Variants in PRSS23 observed in about 807,000 individuals in gnomAD.
PRSS23 encodes serine protease 23.
PRSS23 carries 25 observed loss-of-function variants against 34.7 expected under a neutral mutation model. The ratio of observed to expected loss-of-function variants is 0.72; its 90% CI spans 0.53 to 1.01. The LOEUF is 1.01. Ranked by LOEUF, PRSS23 falls within the 50% of genes least tolerant of loss-of-function variation. PRSS23 has a pLI of 0.00. For synonymous variants in PRSS23, 176 were observed against 186.6 expected, an observed-to-expected ratio of 0.94 and a Z score of 0.46; for missense variants, 445 against 475.6, an observed-to-expected ratio of 0.94 and a Z score of 0.60.
At chr11:86,795,628 G>A (rs1947975958), upstream of PRSS23, among the ~76,000 whole-genome samples, 1 of 152,204 alleles carries the variant, frequency 6.6e-6, no homozygotes, top group African/African-American at 2.4e-5. Context: ...CAAGGCCAAT[G>A]AGTGTGGTGA....
chr11:86,877,916 T>C (rs772316631), intron 2 of PRSS23, among the ~76,000 whole-genome samples: 3 of 151,726 alleles, frequency 2.0e-5, no homozygotes, highest in African/African-American at 7.3e-5. Flanking sequence ...AATTATTGCA[T>C]TGACTCTGTG....
intron 2 of PRSS23, among the ~76,000 whole-genome samples, chr11:86,915,025 C>T (rs1354557454): frequency 6.6e-6 from 1 of 152,160 alleles, no homozygotes; most frequent in African/African-American, 2.4e-5. Flanking sequence ...TTTCTGGGAA[C>T]AGCTGAGAAG....
chr11:86,891,866 C>G (rs1310288455), intron 2 of PRSS23, among the ~76,000 whole-genome samples: 1 of 152,158 alleles, frequency 6.6e-6, no homozygotes, highest in Non-Finnish European at 1.5e-5. Flanking sequence ...TTCCTGCTGC[C>G]TTGTGAATAA....
intron 1 of PRSS23, among the ~76,000 whole-genome samples, chr11:86,822,128 G>A (rs373790925): frequency 6.6e-6 from 1 of 152,004 alleles, no homozygotes; most frequent in Non-Finnish European, 1.5e-5. Flanking sequence ...TTATTTATTC[G>A]TTCATTTGGC....
chr11:86,907,881 A>AT (rs34367118), intron 2 of PRSS23, among the ~76,000 whole-genome samples: 58,107 of 151,810 alleles, frequency 0.38, 11,319 homozygotes, highest in East Asian at 0.47. Context: ...TAGCAGCTCT[A>AT]TTTTTCCCTA....
At chr11:86,859,870 T>C (rs1948600725) in intron 2 of PRSS23, among the ~76,000 whole-genome samples, 1 of 151,772 alleles carries the variant, frequency 6.6e-6, no homozygotes, top group Non-Finnish European at 1.5e-5. Flanking sequence ...GTTTCTAATA[T>C]CCATGGGGGA....
At chr11:86,855,991 A>C (rs2134925593) in intron 2 of PRSS23, among the ~76,000 whole-genome samples, 1 of 152,320 alleles carries the variant, frequency 6.6e-6, no homozygotes, top group Admixed American at 6.5e-5. Context: ...AATTGAAACA[A>C]ATTTTTTAAA....
intron 2 of PRSS23, among the ~76,000 whole-genome samples, chr11:86,866,869 C>A (rs1033826394): frequency 1.3e-5 from 2 of 152,222 alleles, no homozygotes; most frequent in African/African-American, 4.8e-5. Context: ...CACCAGCTCC[C>A]TTTCACCTTC....
intron 2 of PRSS23, among the ~76,000 whole-genome samples, chr11:86,862,255 T>C (rs527253905): frequency 6.6e-6 from 1 of 152,108 alleles, no homozygotes; most frequent in South Asian, 2.1e-4. Flanking sequence ...TGTGATATTA[T>C]TTGTAATATC....
At position 86,951,427 on chromosome 11, in the gene PRSS23, C is replaced by G. The variant is rs777994800; in HGVS notation, c.*142C>G. ...TCACACACGTTGCAGGAACTGTGTA[C>G]AGTACTGAGAACACCCCAATCTTGA... is the stretch of plus-strand genomic sequence containing the variant. On this transcript the variant is annotated 3_prime_UTR_variant, in exon 3 of 3. Coordinates refer to the PRSS23 transcript ENST00000533902. 3 of 1,612,486 alleles carry G rather than the reference C, an allele frequency of 1.9e-6. No homozygotes were observed. Among genetic ancestry groups the G allele is most frequent in the African/African-American group, 2.7e-5 (2 of 74,906 alleles).
At chr11:86,796,953 C>G (rs926652417), upstream of PRSS23, among the ~76,000 whole-genome samples, 9 of 152,244 alleles carry the variant, frequency 5.9e-5, no homozygotes, top group African/African-American at 2.2e-4. Context: ...TAGCTCATGT[C>G]TGTATCCTGA....
chr11:86,880,925 C>A (rs866433866), intron 2 of PRSS23, among the ~76,000 whole-genome samples: 1 of 152,244 alleles, frequency 6.6e-6, no homozygotes, highest in African/African-American at 2.4e-5. Context: ...TATTTATTAG[C>A]CCTAGTAATG....
intron 2 of PRSS23, among the ~76,000 whole-genome samples, chr11:86,851,198 T>A (rs1948526189): frequency 6.6e-6 from 1 of 152,208 alleles, no homozygotes; most frequent in Non-Finnish European, 1.5e-5. Context: ...GTCTTAACCA[T>A]AGCCATATCT....
At chr11:86,874,811 A>C (rs1443762908) in intron 2 of PRSS23, among the ~76,000 whole-genome samples, 2 of 152,180 alleles carry the variant, frequency 1.3e-5, no homozygotes, top group Non-Finnish European at 2.9e-5. Flanking sequence ...TCTGGGATGC[A>C]AAAACAGAGG....
intron 2 of PRSS23, among the ~76,000 whole-genome samples, chr11:86,915,459 TA>T (rs1213240295): frequency 1.3e-5 from 2 of 151,360 alleles, no homozygotes; most frequent in Non-Finnish European, 2.9e-5. Context: ...TGGAGGCTTA[TA>T]AGGAAATGAG....
chr11:86,883,906 C>A (rs146997264), intron 2 of PRSS23, among the ~76,000 whole-genome samples: 170 of 152,174 alleles, frequency 1.1e-3, no homozygotes, highest in Non-Finnish European at 2.1e-3. Flanking sequence ...GCTTCCTAAG[C>A]ACCTCAAATT....
intron 2 of PRSS23, among the ~76,000 whole-genome samples, chr11:86,864,238 A>G (rs1162760398): frequency 1.3e-5 from 2 of 151,926 alleles, no homozygotes; most frequent in Non-Finnish European, 2.9e-5. Context: ...TTTTTTCCCC[A>G]AAGACTAGTG....
chr11:86,806,181 T>G (rs1418943063), intron 1 of PRSS23, among the ~76,000 whole-genome samples: 1 of 152,242 alleles, frequency 6.6e-6, no homozygotes, highest in East Asian at 1.9e-4. Context: ...AGCTCTTGCC[T>G]GCTGCCTCCA....
chr11:86,821,295 A>C (rs1948249673), intron 1 of PRSS23: 1 of 569,012 alleles, frequency 1.8e-6, no homozygotes, highest in African/African-American at 1.9e-5. Flanking sequence ...TATTCATCAA[A>C]TATCTACCAA....
Sources: allele counts gnomAD v4.1 joint callset (sites outside exome capture counted in the v4.1 genomes callset), GRCh38; gene constraint gnomAD v4.1.1; transcripts MANE v1.5; gene names NCBI Gene and HGNC (gene_info 2026-07-23, HGNC 2026-07-21).